Variants in PLCB1 observed in about 807,000 individuals in gnomAD.
The protein encoded by PLCB1 is 1-phosphatidylinositol 4,5-bisphosphate phosphodiesterase beta-1.
PLCB1 carries 46 observed loss-of-function variants against 161.8 expected under a neutral mutation model. The ratio of observed to expected loss-of-function variants is 0.28; its 90% confidence interval spans 0.22 to 0.36. The LOEUF (loss-of-function observed/expected upper bound fraction) is 0.36, where lower values mean the gene tolerates loss of function less well. PLCB1 is among the 10% of genes least tolerant of loss of function. PLCB1 has a pLI of 1.00. For synonymous variants in PLCB1, 517 were observed against 503.7 expected (o/e 1.03, Z -0.35); for missense variants, 1,016 against 1,472.5 (o/e 0.69, Z 5.07).
intron 3 of PLCB1, among the ~76,000 whole-genome samples, chr20:8,548,336 TTTG>T: frequency 9.5e-6 from 1 of 105,798 alleles, no homozygotes; most frequent in Non-Finnish European, 2.0e-5. Flanking sequence ...TTTCTTTCTC[TTTG>T]TTTCTTTCTT....
intron 31 of PLCB1, among the ~76,000 whole-genome samples, chr20:8,875,873 A>G (rs996592666): frequency 6.6e-6 from 1 of 150,398 alleles, no homozygotes; most frequent in African/African-American, 2.5e-5. Flanking sequence ...GCTAACCTTC[A>G]AGAGTAACTT....
At chr20:8,702,566 G>C (rs1978426450) in intron 11 of PLCB1, among the ~76,000 whole-genome samples, 1 of 152,146 alleles carries the variant, frequency 6.6e-6, no homozygotes, top group Non-Finnish European at 1.5e-5. Context: ...CATATAAAAT[G>C]GATATCCAAA....
At position 8,772,852 on chromosome 20, in the gene PLCB1, C is replaced by A. The variant is rs191909403; in HGVS notation, c.2931-1687C>A. 2.8e-3 allele frequency among the ~76,000 whole-genome samples: 420 copies of A among 152,160 alleles called. 3 individuals are homozygous for A. Among genetic ancestry groups the A allele is most frequent in the African/African-American group, 9.6e-3 (397 of 41,518 alleles). On this transcript the variant is annotated intron_variant, in intron 26 of 31. Transcript: ENST00000338037. ...GGCTGAGGTAGGAGAATCACTTGAA[C>A]CTGGAAGGCGGAAGTTGTGGTGAGC...
intron 3 of PLCB1, among the ~76,000 whole-genome samples, chr20:8,484,479 G>A (rs1260158696): frequency 6.6e-6 from 1 of 151,336 alleles, no homozygotes; most frequent in Non-Finnish European, 1.5e-5. Flanking sequence ...TCCTGCCTCA[G>A]CCTCCCAAGT....
chr20:8,781,225 G>T (rs1401500127), intron 27 of PLCB1, among the ~76,000 whole-genome samples: 1 of 151,908 alleles, frequency 6.6e-6, no homozygotes, highest in Non-Finnish European at 1.5e-5. Context: ...TTTACATAGG[G>T]TCATTTTTTT....
chr20:8,826,061 GT>G (rs1402126821), intron 31 of PLCB1, among the ~76,000 whole-genome samples: 3 of 152,144 alleles, frequency 2.0e-5, no homozygotes, highest in Non-Finnish European at 4.4e-5. Flanking sequence ...TGACTGAGAT[GT>G]TTTCAGGCAT....
At chr20:8,798,294 A>G (rs1035434917) in intron 31 of PLCB1, among the ~76,000 whole-genome samples, 1 of 152,202 alleles carries the variant, frequency 6.6e-6, no homozygotes, top group Non-Finnish European at 1.5e-5. Flanking sequence ...CCAGAAATAG[A>G]AAGTCCCCAC....
At chr20:8,588,654 C>G (rs4816070) in intron 3 of PLCB1, among the ~76,000 whole-genome samples, 66,151 of 151,828 alleles carry the variant, frequency 0.44, 15,058 homozygotes, top group Non-Finnish European at 0.51. Flanking sequence ...AGCAAGAAAG[C>G]AGCTATCTGC....
intron 3 of PLCB1, among the ~76,000 whole-genome samples, chr20:8,564,870 C>T (rs1051787017): frequency 6.6e-6 from 1 of 152,148 alleles, no homozygotes; most frequent in Admixed American, 6.5e-5. Flanking sequence ...CAAATAGGAA[C>T]AATTTTACAC....
At chr20:8,210,708 A>C (rs1258479943) in intron 2 of PLCB1, among the ~76,000 whole-genome samples, 1 of 152,134 alleles carries the variant, frequency 6.6e-6, no homozygotes. Flanking sequence ...TTGTAGTTTT[A>C]ATTCATTCAA....
chr20:8,391,879 T>C (rs146787674), intron 3 of PLCB1, among the ~76,000 whole-genome samples: 1 of 148,174 alleles, frequency 6.7e-6, no homozygotes, highest in South Asian at 2.1e-4. Context: ...GATTAGGTCA[T>C]AAACTAATGT....
intron 25 of PLCB1, among the ~76,000 whole-genome samples, chr20:8,763,921 T>A (rs900681844): frequency 6.6e-6 from 1 of 151,890 alleles, no homozygotes; most frequent in African/African-American, 2.4e-5. Context: ...TCCCAGCACT[T>A]TGGGAAGCCG....
chr20:8,657,149 AG>A lies in PLCB1; in HGVS notation c.595-34del, dbSNP rs779912830. ...GAGGGAGGAAGCTGGGGAAGGAAAAAGACCATTTGCTGACTCCGTTGTTTTA... is the reference window on the plus strand; with the variant it reads ...GAGGGAGGAAGCTGGGGAAGGAAAAAACCATTTGCTGACTCCGTTGTTTTA... On this transcript the variant is annotated intron_variant, in intron 7 of 31. Coordinates refer to ENST00000338037, the MANE Select transcript of PLCB1 (RefSeq NM_015192.4). 7 of 1,215,940 alleles carry A rather than the reference AG, an allele frequency of 5.8e-6. No individual in the cohort carries two copies. The South Asian group carries it at 7.2e-5, about 13-fold the overall frequency. 75.3% of individuals were successfully genotyped at this position (1,215,940 alleles called of 1,614,324 possible).
chr20:8,426,718 G>A (rs2122563736), intron 3 of PLCB1, among the ~76,000 whole-genome samples: 1 of 152,300 alleles, frequency 6.6e-6, no homozygotes, highest in Admixed American at 6.5e-5. Context: ...AAGTAACCAT[G>A]TGAGATGATA....
intron 3 of PLCB1, among the ~76,000 whole-genome samples, chr20:8,541,830 A>G (rs6108151): frequency 0.012 from 1,870 of 152,328 alleles, 34 homozygotes; most frequent in African/African-American, 0.04. Flanking sequence ...GCTACCAAGA[A>G]TTCTGAGATC....
At chr20:8,180,938 AGTGTGTGTGTGT>A (rs10604975) in intron 2 of PLCB1, among the ~76,000 whole-genome samples, 3,466 of 149,690 alleles carry the variant, frequency 0.023, 131 homozygotes, top group African/African-American at 0.077. Flanking sequence ...ATAATGTAAA[AGTGTGTGTGTGT>A]GTGTGTGTGT....
chr20:8,258,169 A>T (rs937346364), intron 2 of PLCB1, among the ~76,000 whole-genome samples: 1 of 152,170 alleles, frequency 6.6e-6, no homozygotes, highest in South Asian at 2.1e-4. Flanking sequence ...CGTGAAGCCT[A>T]AGAAAAGTGG....
At chr20:8,178,169 T>C (rs942333146) in intron 2 of PLCB1, among the ~76,000 whole-genome samples, 6 of 152,242 alleles carry the variant, frequency 3.9e-5, no homozygotes, top group African/African-American at 7.2e-5. Flanking sequence ...CATGTGCATA[T>C]GTCTTTATGA....
intron 3 of PLCB1, among the ~76,000 whole-genome samples, chr20:8,520,266 T>A (rs1161957768): frequency 6.6e-6 from 1 of 152,194 alleles, no homozygotes; most frequent in Non-Finnish European, 1.5e-5. Context: ...TTCCAGAATA[T>A]CCCATTGGTT....
Sources: gnomAD v4.1 joint callset for allele counts (sites outside exome capture counted in the v4.1 genomes callset) on GRCh38, gnomAD v4.1.1 for gene constraint, MANE v1.5 for transcripts, NCBI Gene and HGNC (gene_info 2026-07-23, HGNC 2026-07-21) for gene names.